Variants in PDE1A observed in about 807,000 individuals in gnomAD.
The protein encoded by PDE1A is dual specificity calcium/calmodulin-dependent 3',5'-cyclic nucleotide phosphodiesterase 1A.
In PDE1A, 35 loss-of-function variants were observed where a neutral mutation model predicts 61.7. The ratio of observed to expected loss-of-function variants is 0.57; its 90% CI spans 0.43 to 0.75. PDE1A has a LOEUF of 0.75. Ranked by LOEUF, PDE1A falls within the 30% of genes least tolerant of loss-of-function variation. The probability of loss-of-function intolerance (pLI) is 0.00; values close to 1 mark genes in which losing one functional copy is unlikely to be tolerated. For missense variants in PDE1A, 597 were observed against 630.6 expected (o/e 0.95, Z 0.57); for synonymous variants, 232 against 213.2 (o/e 1.09, Z -0.77).
intron 7 of PDE1A, among the ~76,000 whole-genome samples, chr2:182,217,776 C>T (rs1013968792): frequency 3.3e-4 from 49 of 148,418 alleles, no homozygotes; most frequent in Non-Finnish European, 1.2e-4. Context: ...ACAACAGGTG[C>T]TGGAGAGGAT....
chr2:182,657,966 C>G, the PDE1A span, among the ~76,000 whole-genome samples: 8 of 149,826 alleles, frequency 5.3e-5, no homozygotes, highest in African/African-American at 2.0e-4. Context: ...ATAATATCTA[C>G]CCTGCAAGGC....
chr2:182,315,369 TTCTC>T (rs758850351), intron 1 of PDE1A, among the ~76,000 whole-genome samples: 12 of 152,182 alleles, frequency 7.9e-5, no homozygotes, highest in Non-Finnish European at 1.3e-4. Context: ...GACACAGAGT[TTCTC>T]TCTCAGAACT....
At chr2:182,417,392 G>C (rs375495377) in intron 1 of PDE1A, among the ~76,000 whole-genome samples, 1 of 152,078 alleles carries the variant, frequency 6.6e-6, no homozygotes, top group Admixed American at 6.5e-5. Flanking sequence ...CTGATTCCTG[G>C]GTTTTACCCA....
intron 2 of PDE1A, among the ~76,000 whole-genome samples, chr2:182,448,964 ATATT>A (rs1685318426): frequency 2.0e-5 from 3 of 151,890 alleles, no homozygotes; most frequent in Non-Finnish European, 4.4e-5. Flanking sequence ...ATTCTTCTCT[ATATT>A]TAAAGATATA....
chr2:182,394,037 T>A (rs1701564883), intron 1 of PDE1A, among the ~76,000 whole-genome samples: 1 of 152,198 alleles, frequency 6.6e-6, no homozygotes, highest in South Asian at 2.1e-4. Context: ...TCCTCCAAAC[T>A]TTTCCAACCT....
the PDE1A span, among the ~76,000 whole-genome samples, chr2:182,695,666 CAAA>C: frequency 1.5e-4 from 5 of 32,894 alleles, no homozygotes; most frequent in African/African-American, 3.1e-4. Context: ...GGCCCTCTCT[CAAA>C]AAAAAAAAAA....
At chr2:182,536,626 G>A in the PDE1A span, among the ~76,000 whole-genome samples, 107,284 of 152,116 alleles carry the variant, frequency 0.71, 41,170 homozygotes, top group East Asian at 0.99. Context: ...GTGGAAGATT[G>A]TATTTTCCAA....
chr2:182,503,093 G>T (rs1689193609), intron 2 of PDE1A, among the ~76,000 whole-genome samples: 1 of 141,122 alleles, frequency 7.1e-6, no homozygotes, highest in Non-Finnish European at 1.5e-5. Context: ...ACACAGCATT[G>T]TGCCTCATTC....
At chr2:182,426,385 G>A (rs1188251715) in intron 1 of PDE1A, among the ~76,000 whole-genome samples, 193 bp downstream of exon 1, 1 of 152,184 alleles carries the variant, frequency 6.6e-6, no homozygotes, top group East Asian at 1.9e-4. Context: ...ATTTTCAGGA[G>A]TTGATAAGAG....
In PDE1A at chr2:182,386,099, G is replaced by A. The variant is rs140102803; in HGVS notation, c.53+40479C>T. Among the ~76,000 whole-genome samples the A allele has an allele frequency of 9.0e-3, 1,367 of 152,256 alleles. 11 individuals carry two copies. The highest frequency in any genetic ancestry group is 0.015 in the Non-Finnish European group (1,011 of 68,028). On this transcript the variant is annotated intron_variant, in intron 1 of 13. Coordinates refer to ENST00000351439, the Ensembl canonical transcript of PDE1A. ...TAACCGCGAGTGATCCGCCAGCCTCGGCCTCCTGAGGTGCCGGGATTGCGG... is the reference window on the plus strand; with the variant it reads ...TAACCGCGAGTGATCCGCCAGCCTCAGCCTCCTGAGGTGCCGGGATTGCGG...
the PDE1A span, among the ~76,000 whole-genome samples, chr2:182,559,856 A>G: frequency 6.6e-6 from 1 of 152,186 alleles, no homozygotes; most frequent in Non-Finnish European, 1.5e-5. Context: ...ATCGAGCAAA[A>G]GCCAGTTACA....
At chr2:182,191,477 A>G (rs1182361543) in intron 10 of PDE1A, among the ~76,000 whole-genome samples, 1 of 152,188 alleles carries the variant, frequency 6.6e-6, no homozygotes, top group Non-Finnish European at 1.5e-5. Context: ...AGAGATGCTT[A>G]TTTAACATAT....
At chr2:182,412,973 C>T (rs1702704936) in intron 1 of PDE1A, among the ~76,000 whole-genome samples, 1 of 152,090 alleles carries the variant, frequency 6.6e-6, no homozygotes, top group Admixed American at 6.5e-5. Flanking sequence ...AAGACAGTGG[C>T]ATTTGAATTA....
chr2:182,395,303 C>T (rs908741659), intron 1 of PDE1A, among the ~76,000 whole-genome samples: 8 of 152,170 alleles, frequency 5.3e-5, no homozygotes, highest in Non-Finnish European at 1.0e-4. Flanking sequence ...ATTGCTTTTC[C>T]TTTTCACAAG....
At chr2:182,580,627 A>G in the PDE1A span, among the ~76,000 whole-genome samples, 2 of 152,188 alleles carry the variant, frequency 1.3e-5, no homozygotes, top group Non-Finnish European at 2.9e-5. Context: ...AGATTTTACT[A>G]TAACTTAAAT....
intron 13 of PDE1A, among the ~76,000 whole-genome samples, chr2:182,182,310 A>G (rs1265071263): frequency 2.0e-5 from 3 of 152,160 alleles, no homozygotes; most frequent in Non-Finnish European, 4.4e-5. Context: ...AAATCCTATC[A>G]GTTCAGCTTT....
At chr2:182,482,434 T>C (rs1240660391) in intron 2 of PDE1A, among the ~76,000 whole-genome samples, 2 of 151,800 alleles carry the variant, frequency 1.3e-5, no homozygotes, top group African/African-American at 2.4e-5. Context: ...CCACATTTCA[T>C]CAAAATATTT....
At chr2:182,255,209 A>G (rs974718908) in intron 2 of PDE1A, among the ~76,000 whole-genome samples, 1 of 152,228 alleles carries the variant, frequency 6.6e-6, no homozygotes, top group African/African-American at 2.4e-5. Flanking sequence ...AGTCACCACT[A>G]GCCATCAATA....
chr2:182,428,700 G>C (rs1448954544), upstream of PDE1A, among the ~76,000 whole-genome samples: 2 of 152,014 alleles, frequency 1.3e-5, no homozygotes, highest in African/African-American at 2.4e-5. Flanking sequence ...AGGTCTTCTG[G>C]GAGGGATTTT....
Sources: gnomAD v4.1 joint callset for allele counts (sites outside exome capture counted in the v4.1 genomes callset) on GRCh38, gnomAD v4.1.1 for gene constraint, MANE v1.5 for transcripts, NCBI Gene and HGNC (gene_info 2026-07-23, HGNC 2026-07-21) for gene names.